CDH13: variants seen among roughly 807,000 people sequenced by gnomAD.
The protein encoded by CDH13 is cadherin 13.
A neutral mutation model predicts 63.8 loss-of-function variants in CDH13; 24 were observed. That is an observed-to-expected ratio of 0.38 (90% CI 0.27 to 0.53). The LOEUF is 0.53. Ranked by LOEUF, CDH13 falls within the 20% of genes least tolerant of loss-of-function variation. CDH13 has a pLI of 0.85. For synonymous variants in CDH13, 503 were observed against 355.3 expected, an observed-to-expected ratio of 1.42 and a Z score of -4.67; for missense variants, 1,049 against 903.1, an observed-to-expected ratio of 1.16 and a Z score of -2.07.
rs1904306300 is a variant in CDH13 at position 83,799,812 on chromosome 16, T to C, written c.*4782T>C. 6.6e-6 allele frequency: 1 copy of C among 152,206 alleles called. No individual in the cohort carries two copies. The highest frequency in any genetic ancestry group is 2.1e-4 in the South Asian group (1 of 4,836). 9.4% of individuals were successfully genotyped at this position (152,206 alleles called of 1,614,324 possible). On this transcript the variant is annotated 3_prime_UTR_variant, in exon 14 of 14. Coordinates refer to ENST00000567109, the MANE Select transcript of CDH13 (RefSeq NM_001257.5). The stretch of plus-strand genomic sequence containing the variant: ...TACTATATTTCCTATTGCTAATAGA[T>C]TAGCCCACTATTGAAAAAATTCTGC...
intron 4 of CDH13, among the ~76,000 whole-genome samples, chr16:83,207,389 T>TA (rs2039213133): frequency 6.6e-6 from 1 of 152,246 alleles, no homozygotes; most frequent in Non-Finnish European, 1.5e-5. Context: ...AAAGTTCATT[T>TA]GTGTTGCAAT....
rs113258220 is a variant in CDH13, at chr16:82,664,228, A to G, written c.45+37091A>G. On this transcript the variant is annotated intron_variant, in intron 1 of 13. Transcript: ENST00000567109. ...AAATTGTGCTGCAAAGCAACGTGCC[A>G]TTGCCTGTTCTTCACATGGCTGTGT... Among the ~76,000 whole-genome samples, 740 of 152,362 alleles carry G rather than the reference A, an allele frequency of 4.9e-3. 3 individuals are homozygous for G. Among genetic ancestry groups the G allele is most frequent in the African/African-American group, 0.017 (689 of 41,580 alleles).
At chr16:82,948,601 A>G (rs1401138665) in intron 2 of CDH13, among the ~76,000 whole-genome samples, 2 of 152,212 alleles carry the variant, frequency 1.3e-5, no homozygotes, top group African/African-American at 2.4e-5. Context: ...AACCAAAATG[A>G]CAATCTTTTA....
intron 1 of CDH13, among the ~76,000 whole-genome samples, chr16:82,763,765 C>T (rs2034943931): frequency 6.6e-6 from 1 of 152,186 alleles, no homozygotes; most frequent in African/African-American, 2.4e-5. Flanking sequence ...TCACTGCAGC[C>T]TCCTCTGCCC....
intron 2 of CDH13, among the ~76,000 whole-genome samples, chr16:82,900,388 G>C (rs898002518): frequency 4.0e-5 from 6 of 151,892 alleles, no homozygotes; most frequent in African/African-American, 1.5e-4. Flanking sequence ...TCAGTGACTT[G>C]ATAAGGCCAC....
Position 83,164,720 on chromosome 16 carries a change from C to CAA in CDH13, c.483+39225_483+39226dup, listed in dbSNP as rs771135269. Among the ~76,000 whole-genome samples, 50 of 138,832 alleles carry CAA rather than the reference C, an allele frequency of 3.6e-4. 3 individuals carry two copies. The highest frequency in any genetic ancestry group is 1.2e-3 in the African/African-American group (43 of 34,580). The allele number at this position is 138,832 out of a possible 152,430, so 91.1% of individuals were successfully genotyped here. On this transcript the variant is annotated intron_variant, in intron 4 of 13. Coordinates refer to ENST00000567109, the MANE Select transcript of CDH13 (RefSeq NM_001257.5). ...GGGTGACAAGAGCGAGACTCTGTCTCAAAAAAAGAAAAAAAAAATCATCGT... is the reference window on the plus strand; with the variant it reads ...GGGTGACAAGAGCGAGACTCTGTCTCAAAAAAAAAGAAAAAAAAAATCATCGT...
chr16:83,769,990 C>G (rs1914655920), intron 11 of CDH13, among the ~76,000 whole-genome samples: 1 of 152,142 alleles, frequency 6.6e-6, no homozygotes, highest in Admixed American at 6.5e-5. Context: ...AGGGTGCAGC[C>G]TGATTAACGC....
chr16:83,142,154 G>GTTTTTT (rs1010118688), intron 4 of CDH13, among the ~76,000 whole-genome samples: 2 of 113,624 alleles, frequency 1.8e-5, no homozygotes, highest in African/African-American at 6.5e-5. Context: ...TTGTTTGTTT[G>GTTTTTT]TTTTTGTTTT....
At position 83,009,046 on chromosome 16, in the gene CDH13, A is replaced by G. The variant is rs187912319; in HGVS notation, c.158-22964A>G. Among the ~76,000 whole-genome samples, 414 of 152,312 alleles carry G rather than the reference A, an allele frequency of 2.7e-3. 4 individuals carry two copies. The highest frequency in any genetic ancestry group is 9.5e-3 in the African/African-American group (395 of 41,580). On this transcript the variant is annotated intron_variant, in intron 2 of 13. Coordinates refer to ENST00000567109, the MANE Select transcript of CDH13 (RefSeq NM_001257.5). ...TCATGACAACAGCATGGGGGAAACT[A>G]CTGCCATTATTCAATTCCACCCCCA...
intron 6 of CDH13, among the ~76,000 whole-genome samples, chr16:83,460,225 A>G (rs2073139487): frequency 6.6e-6 from 1 of 152,256 alleles, no homozygotes; most frequent in Non-Finnish European, 1.5e-5. Context: ...CTGATTGGTA[A>G]ATATTAAGCC....
At chr16:82,887,306 C>T (rs543667228) in intron 2 of CDH13, among the ~76,000 whole-genome samples, 4 of 152,226 alleles carry the variant, frequency 2.6e-5, no homozygotes, top group African/African-American at 7.2e-5. Flanking sequence ...TTTGCTGATT[C>T]CTGGTCTAAA....
At chr16:83,389,590 A>C (rs1409991867) in intron 6 of CDH13, among the ~76,000 whole-genome samples, 1 of 152,086 alleles carries the variant, frequency 6.6e-6, no homozygotes, top group Non-Finnish European at 1.5e-5. Flanking sequence ...GATGGACTGG[A>C]CCATTTATTC....
intron 4 of CDH13, among the ~76,000 whole-genome samples, chr16:83,138,585 C>T (rs1567867479): frequency 6.6e-6 from 1 of 152,104 alleles, no homozygotes. Context: ...AGGAAATTGT[C>T]ACAAATAAAC....
At chr16:83,664,317 C>T (rs1913728974) in intron 8 of CDH13, among the ~76,000 whole-genome samples, 1 of 152,110 alleles carries the variant, frequency 6.6e-6, no homozygotes, top group Non-Finnish European at 1.5e-5. Flanking sequence ...AGGTTCCAAT[C>T]ATCTTGAAGA....
At chr16:83,164,299 C>G (rs2037568218) in intron 4 of CDH13, among the ~76,000 whole-genome samples, 1 of 151,984 alleles carries the variant, frequency 6.6e-6, no homozygotes. Context: ...CCACACATCA[C>G]ACACCACACA....
intron 8 of CDH13, among the ~76,000 whole-genome samples, chr16:83,666,484 C>G (rs529976552): frequency 1.4e-4 from 22 of 152,096 alleles, no homozygotes; most frequent in Non-Finnish European, 2.8e-4. Flanking sequence ...TAAACGTAAC[C>G]CAGTTCCTTG....
rs561808639 is a variant in CDH13, at chr16:82,644,264, G to T, written c.45+17127G>T. 2.6e-5 allele frequency among the ~76,000 whole-genome samples: 4 copies of T among 152,196 alleles called. No individual in the cohort carries two copies. The South Asian group carries it at 8.3e-4, about 32-fold the overall frequency. ...AATCTAAGGTCTAAGGCTGGGAAAGGAGCTCCCACTTCTTACATTCAGTGC... is the reference window on the plus strand; with the variant it reads ...AATCTAAGGTCTAAGGCTGGGAAAGTAGCTCCCACTTCTTACATTCAGTGC... On this transcript the variant is annotated intron_variant, in intron 1 of 13. Transcript: ENST00000567109. The surrounding 1 kb of genome is among the most constrained non-coding windows in gnomAD (Gnocchi z 5.7).
chr16:83,260,128 A>G (rs953933599), intron 5 of CDH13, among the ~76,000 whole-genome samples: 224 of 150,224 alleles, frequency 1.5e-3, no homozygotes, highest in African/African-American at 5.3e-3. Flanking sequence ...ACACACACAC[A>G]CACACACACA....
intron 4 of CDH13, among the ~76,000 whole-genome samples, chr16:83,144,337 T>C (rs762111323): frequency 6.6e-6 from 1 of 152,228 alleles, no homozygotes; most frequent in Non-Finnish European, 1.5e-5. Flanking sequence ...AATATGCTAC[T>C]GTATTTATAA....
Sources: allele counts gnomAD v4.1 joint callset (sites outside exome capture counted in the v4.1 genomes callset), GRCh38; gene constraint gnomAD v4.1.1; non-coding constraint Gnocchi (gnomAD v3.1); transcripts MANE v1.5; gene names NCBI Gene and HGNC (gene_info 2026-07-23, HGNC 2026-07-21).